MYMX: variants seen among roughly 807,000 people sequenced by gnomAD.
The protein encoded by MYMX is protein myomixer.
the MYMX span, among the ~76,000 whole-genome samples, chr6:44,201,082 G>A: frequency 6.6e-6 from 1 of 152,178 alleles, no homozygotes; most frequent in African/African-American, 2.4e-5. Context: ...CCACTGCCCG[G>A]TCGCCTGTGC....
At chr6:44,212,084 G>T (rs2128329596), upstream of MYMX, among the ~76,000 whole-genome samples, 1 of 152,008 alleles carries the variant, frequency 6.6e-6, no homozygotes, top group East Asian at 1.9e-4. Flanking sequence ...CTAAAAGAGA[G>T]GATTTAAAAT....
chr6:44,208,872 C>T, the MYMX span, among the ~76,000 whole-genome samples: 1 of 152,080 alleles, frequency 6.6e-6, no homozygotes, highest in Non-Finnish European at 1.5e-5. Context: ...GACACAGCAC[C>T]TCTTCTACAC....
At chr6:44,206,530 C>A in the MYMX span, among the ~76,000 whole-genome samples, 1 of 152,166 alleles carries the variant, frequency 6.6e-6, no homozygotes, top group African/African-American at 2.4e-5. Context: ...CTGCACCTGG[C>A]CTGTTTTTCC....
the MYMX span, among the ~76,000 whole-genome samples, chr6:44,201,316 C>G: frequency 5.3e-5 from 8 of 152,304 alleles, no homozygotes; most frequent in East Asian, 7.7e-4. Flanking sequence ...CATTCCCCAC[C>G]CACACTGCCT....
the MYMX span, among the ~76,000 whole-genome samples, chr6:44,206,964 G>T: frequency 6.6e-6 from 1 of 152,108 alleles, no homozygotes; most frequent in Non-Finnish European, 1.5e-5. Context: ...TCTATAAGGG[G>T]CCTATGACTT....
At chr6:44,215,714 G>C (rs1166508168), upstream of MYMX, among the ~76,000 whole-genome samples, 11 of 152,178 alleles carry the variant, frequency 7.2e-5, no homozygotes, top group African/African-American at 2.4e-4. Flanking sequence ...GGCCAACATG[G>C]TGAAACCCCA....
At chr6:44,196,897 G>T in the MYMX span, among the ~76,000 whole-genome samples, 1,273 of 152,252 alleles carry the variant, frequency 8.4e-3, 19 homozygotes, top group African/African-American at 0.029. Flanking sequence ...GGCGGAGGTT[G>T]CAGTGAGCTG....
At chr6:44,195,998 A>C in the MYMX span, among the ~76,000 whole-genome samples, 1 of 151,950 alleles carries the variant, frequency 6.6e-6, no homozygotes, top group Non-Finnish European at 1.5e-5. Context: ...CCGGGAGTGC[A>C]GTGGCATGAT....
chr6:44,212,407 A>AAAATAAAT (rs35574545), upstream of MYMX, among the ~76,000 whole-genome samples: 6,904 of 146,376 alleles, frequency 0.047, 290 homozygotes, highest in African/African-American at 0.12. Context: ...CCTGTCTCAA[A>AAAATAAAT]AAATAAATAA....
At chr6:44,200,535 A>C in the MYMX span, among the ~76,000 whole-genome samples, 4 of 152,036 alleles carry the variant, frequency 2.6e-5, no homozygotes, top group Non-Finnish European at 5.9e-5. Flanking sequence ...GGCTGGTCTC[A>C]AATTCCTGAC....
the MYMX span, among the ~76,000 whole-genome samples, chr6:44,205,658 A>G: frequency 1.3e-5 from 2 of 151,976 alleles, no homozygotes. Flanking sequence ...AAAATACAGA[A>G]ATTAGCCAGG....
the MYMX span, among the ~76,000 whole-genome samples, chr6:44,203,953 T>G: frequency 2.0e-5 from 3 of 152,272 alleles, no homozygotes; most frequent in African/African-American, 7.2e-5. Flanking sequence ...GTTCAAGAGA[T>G]TCTTCTGCCT....
At chr6:44,197,571 A>G in the MYMX span, among the ~76,000 whole-genome samples, 8 of 152,286 alleles carry the variant, frequency 5.3e-5, no homozygotes, top group African/African-American at 1.9e-4. Context: ...CTCTCCTTCC[A>G]GTACCCTATG....
At chr6:44,198,968 G>A in the MYMX span, among the ~76,000 whole-genome samples, 5 of 151,880 alleles carry the variant, frequency 3.3e-5, 1 homozygote, top group Admixed American at 3.3e-4. Flanking sequence ...TTTTCCTTTT[G>A]GGGATGGCCA....
At chr6:44,199,486 C>T in the MYMX span, among the ~76,000 whole-genome samples, 7 of 152,168 alleles carry the variant, frequency 4.6e-5, no homozygotes, top group Non-Finnish European at 8.8e-5. Context: ...GCGTGAGCCC[C>T]CACGCCTGGC....
upstream of MYMX, among the ~76,000 whole-genome samples, chr6:44,216,755 C>T (rs948254015): frequency 1.3e-5 from 2 of 152,240 alleles, no homozygotes; most frequent in African/African-American, 4.8e-5. Context: ...CTCTCCTCCC[C>T]CTAGACTGGG....
chr6:44,214,427 G>A (rs1216245433), upstream of MYMX, among the ~76,000 whole-genome samples: 1 of 152,202 alleles, frequency 6.6e-6, no homozygotes, highest in African/African-American at 2.4e-5. Flanking sequence ...AAAGCCTAGG[G>A]AAGGAGAAGG....
chr6:44,214,318 G>A (rs1431697043), upstream of MYMX, among the ~76,000 whole-genome samples: 1 of 152,244 alleles, frequency 6.6e-6, no homozygotes, highest in Non-Finnish European at 1.5e-5. Flanking sequence ...ATTGGCTAAT[G>A]TGGGTAGTGA....
the MYMX span, among the ~76,000 whole-genome samples, chr6:44,204,710 T>A: frequency 6.6e-6 from 1 of 152,158 alleles, no homozygotes; most frequent in African/African-American, 2.4e-5. Flanking sequence ...CCTCACCCTC[T>A]TATGTCTCCA....
Sources: allele counts gnomAD v4.1 joint callset (sites outside exome capture counted in the v4.1 genomes callset), GRCh38; gene constraint gnomAD v4.1.1; transcripts MANE v1.5; gene names NCBI Gene and HGNC (gene_info 2026-07-23, HGNC 2026-07-21).